NWD2: variants seen among roughly 807,000 people sequenced by gnomAD.
NWD2 encodes the protein NACHT and WD repeat domain-containing protein 2.
NWD2 carries 37 observed loss-of-function variants against 132.7 expected under a neutral mutation model. The observed-to-expected ratio is 0.28, with a 90% CI of 0.21 to 0.37. NWD2 has a LOEUF of 0.37. NWD2 is among the 10% of genes least tolerant of loss of function. The pLI is 1.00. For synonymous variants in NWD2, 705 were observed against 803.0 expected (o/e 0.88, Z 2.06); for missense variants, 1,592 against 2,122.4 (o/e 0.75, Z 4.91).
chr4:37,410,600 T>A (rs1721135567), intron 3 of NWD2, among the ~76,000 whole-genome samples: 1 of 152,050 alleles, frequency 6.6e-6, no homozygotes, highest in African/African-American at 2.4e-5. Flanking sequence ...GACAGAAAAT[T>A]AACAAGGATA....
At chr4:37,285,729 T>C (rs1272333944) in intron 1 of NWD2, among the ~76,000 whole-genome samples, 1 of 152,226 alleles carries the variant, frequency 6.6e-6, no homozygotes, top group East Asian at 1.9e-4. Context: ...TACATGTCTA[T>C]ATATTTTAGC....
chr4:37,306,818 T>C (rs190470656), intron 1 of NWD2, among the ~76,000 whole-genome samples: 101 of 151,732 alleles, frequency 6.7e-4, no homozygotes, highest in African/African-American at 2.4e-3. Flanking sequence ...GTCAGGAGAG[T>C]GAGACCATCC....
intron 2 of NWD2, among the ~76,000 whole-genome samples, chr4:37,334,348 T>C (rs1183209953): frequency 2.0e-5 from 3 of 152,226 alleles, no homozygotes; most frequent in African/African-American, 7.2e-5. Context: ...CGTTTTCAAC[T>C]CTTCCCCACG....
At chr4:37,418,194 A>G (rs1315976270) in intron 3 of NWD2, among the ~76,000 whole-genome samples, 3 of 152,260 alleles carry the variant, frequency 2.0e-5, no homozygotes, top group East Asian at 3.9e-4. Flanking sequence ...CAGGAAGCCA[A>G]CGAAAGAGCT....
chr4:37,294,403 T>A (rs1340736379), intron 1 of NWD2, among the ~76,000 whole-genome samples: 5 of 152,074 alleles, frequency 3.3e-5, no homozygotes, highest in Non-Finnish European at 7.4e-5. Flanking sequence ...GCCCCACCCA[T>A]GTTCTCATTT....
chr4:37,320,455 G>C (rs1029355860), intron 1 of NWD2, among the ~76,000 whole-genome samples: 1 of 152,174 alleles, frequency 6.6e-6, no homozygotes, highest in South Asian at 2.1e-4. Flanking sequence ...GTGAGACAGG[G>C]ACAGATAACA....
At chr4:37,377,899 T>C (rs1720376544) in intron 3 of NWD2, among the ~76,000 whole-genome samples, 1 of 152,184 alleles carries the variant, frequency 6.6e-6, no homozygotes, top group Non-Finnish European at 1.5e-5. Flanking sequence ...ATTTTTTAAA[T>C]GTTTCACCAC....
chr4:37,247,678 C>G (rs746382780), intron 1 of NWD2, among the ~76,000 whole-genome samples: 1 of 151,942 alleles, frequency 6.6e-6, no homozygotes, highest in Non-Finnish European at 1.5e-5. Flanking sequence ...GGCGCAATCT[C>G]GGCTCACTGC....
At chr4:37,326,206 T>C (rs1425087647) in intron 2 of NWD2, among the ~76,000 whole-genome samples, 182 bp downstream of exon 2, 7 of 152,206 alleles carry the variant, frequency 4.6e-5, no homozygotes, top group Admixed American at 1.3e-4. Flanking sequence ...TTTTTATGTT[T>C]AGTTCTTTTA....
chr4:37,447,234 T>A lies in NWD2; in HGVS notation c.*17T>A. 6.6e-7 allele frequency: 1 copy of A among 1,526,688 alleles called. No individual in the cohort carries two copies. The highest frequency in any genetic ancestry group is 1.2e-5 in the South Asian group (1 of 82,302). 94.6% of individuals were successfully genotyped at this position (1,526,688 alleles called of 1,614,324 possible). On this transcript the variant is annotated 3_prime_UTR_variant, in exon 7 of 7. Transcript: ENST00000309447. ...GATAACTGACAAAATGTTTTCCAGC[T>A]AAGCAGAAATATGTGATCCACGTAC...
In NWD2 at chr4:37,389,393, A is replaced by G. The variant is rs563331183; in HGVS notation, c.357+32911A>G. ...AATATTTTTAAAAATCAGTGTATCA[A>G]TATTACAAACTTTCAATATTTTACA... is the stretch of plus-strand genomic sequence containing the variant. On this transcript the variant is annotated intron_variant, in intron 3 of 6. Coordinates refer to ENST00000309447, the MANE Select transcript of NWD2 (RefSeq NM_001144990.2). 4.9e-4 allele frequency among the ~76,000 whole-genome samples: 74 copies of G among 152,362 alleles called. 1 individual carries two copies. The South Asian group carries it at 0.013, about 27-fold the overall frequency.
chr4:37,373,655 C>G (rs11096872), intron 3 of NWD2, among the ~76,000 whole-genome samples: 110,250 of 152,058 alleles, frequency 0.73, 42,083 homozygotes, highest in Non-Finnish European at 0.84. Context: ...ATTCAATCTA[C>G]TAAATATCTA....
intron 3 of NWD2, among the ~76,000 whole-genome samples, chr4:37,387,305 A>G (rs924486695): frequency 6.6e-6 from 1 of 152,192 alleles, no homozygotes; most frequent in Admixed American, 6.5e-5. Flanking sequence ...TTTTAATGAT[A>G]TATTTTAAGT....
At chr4:37,417,222 C>T (rs932029285) in intron 3 of NWD2, among the ~76,000 whole-genome samples, 2 of 151,856 alleles carry the variant, frequency 1.3e-5, no homozygotes, top group Non-Finnish European at 2.9e-5. Context: ...GCAAAAAAGA[C>T]ATTGGGAGAA....
At chr4:37,395,575 ACT>A (rs1181396842) in intron 3 of NWD2, among the ~76,000 whole-genome samples, 2 of 87,544 alleles carry the variant, frequency 2.3e-5, no homozygotes, top group Non-Finnish European at 4.6e-5. Flanking sequence ...CAAGAGCGAA[ACT>A]CTGTCTCAAA....
intron 2 of NWD2, among the ~76,000 whole-genome samples, chr4:37,338,622 A>C (rs6845036): frequency 1.3e-5 from 2 of 152,236 alleles, no homozygotes; most frequent in African/African-American, 4.8e-5. Context: ...CTTAACCAAC[A>C]CATCAAAATT....
intron 3 of NWD2, among the ~76,000 whole-genome samples, chr4:37,360,487 C>G (rs1004591191): frequency 1.3e-5 from 2 of 152,008 alleles, no homozygotes; most frequent in African/African-American, 4.8e-5. Flanking sequence ...TTTTGTTTTT[C>G]TAGATATGAA....
At chr4:37,390,409 A>ATGTT (rs3064358) in intron 3 of NWD2, among the ~76,000 whole-genome samples, 50,193 of 149,854 alleles carry the variant, frequency 0.33, 8,569 homozygotes, top group African/African-American at 0.41. Flanking sequence ...ATAATCTGAA[A>ATGTT]TTTTTTTTTT....
chr4:37,267,333 T>C (rs1445747867), intron 1 of NWD2, among the ~76,000 whole-genome samples: 1 of 151,962 alleles, frequency 6.6e-6, no homozygotes, highest in Non-Finnish European at 1.5e-5. Context: ...CTGTGACTCA[T>C]AATAAGATGT....
Sources: gnomAD v4.1 joint callset for allele counts (sites outside exome capture counted in the v4.1 genomes callset) on GRCh38, gnomAD v4.1.1 for gene constraint, MANE v1.5 for transcripts, NCBI Gene and HGNC (gene_info 2026-07-23, HGNC 2026-07-21) for gene names.